SLFN5: variants seen among roughly 807,000 people sequenced by gnomAD.
SLFN5 encodes schlafen family member 5.
A neutral mutation model predicts 48.5 loss-of-function variants in SLFN5; 34 were observed. That is an observed-to-expected ratio of 0.70 (90% CI 0.53 to 0.93). The LOEUF (loss-of-function observed/expected upper bound fraction) is 0.93. SLFN5 is among the 40% of genes least tolerant of loss of function. SLFN5 has a pLI of 0.00. For synonymous variants in SLFN5, 387 were observed against 396.2 expected (o/e 0.98, Z 0.28); for missense variants, 1,006 against 1,071.3 (o/e 0.94, Z 0.85).
rs1366208822 is a variant in SLFN5 at position 35,266,165 on chromosome 17, T to TGC, written c.*278_*279insCG. The stretch of plus-strand genomic sequence containing the variant: ...AGATGTGTGTGTGTGTGTGTGTGTG[T>TGC]GTGTGTGTGTGTGCGCGCGCGCACG... On this transcript the variant is annotated 3_prime_UTR_variant, in exon 5 of 5. Coordinates refer to ENST00000299977, the MANE Select transcript of SLFN5 (RefSeq NM_144975.4). 10 of 279,214 alleles carry TGC rather than the reference T, an allele frequency of 3.6e-5. No individual in the cohort carries two copies. The highest frequency in any genetic ancestry group is 2.3e-4 in the African/African-American group (9 of 39,372). 17.3% of individuals were successfully genotyped at this position (279,214 alleles called of 1,614,324 possible). A position where few individuals can be genotyped will look rare whatever the true frequency, so the allele number is the denominator to read the frequency against.
intron 2 of SLFN5, 52 bp downstream of exon 2, chr17:35,259,754 G>A (rs1904468227): frequency 6.3e-7 from 1 of 1,575,498 alleles, no homozygotes; most frequent in Non-Finnish European, 8.6e-7. Flanking sequence ...AGCAAGGCAG[G>A]GCGGGTCAGA....
At position 35,267,721 on chromosome 17, in the gene SLFN5, A is replaced by C. The variant is rs927313161; in HGVS notation, c.*1833A>C. 3 of 152,286 alleles carry C rather than the reference A, an allele frequency of 2.0e-5. No homozygotes were observed. The highest frequency in any genetic ancestry group is 7.2e-5 in the African/African-American group (3 of 41,450). 9.4% of individuals were successfully genotyped at this position (152,286 alleles called of 1,614,324 possible). A position where few individuals can be genotyped will look rare whatever the true frequency, so the allele number is the denominator to read the frequency against. ...GGTGACAGAACAAGACCCTGTCTCC[A>C]AAAATTAAATAAATAAAACAAAAAA... On this transcript the variant is annotated 3_prime_UTR_variant, in exon 5 of 5. Coordinates refer to ENST00000299977, the MANE Select transcript of SLFN5 (RefSeq NM_144975.4).
chr17:35,255,993 A>G (rs756800578), intron 1 of SLFN5, among the ~76,000 whole-genome samples: 20 of 152,256 alleles, frequency 1.3e-4, no homozygotes, highest in Non-Finnish European at 1.9e-4. Context: ...CTTCATATAA[A>G]TGGAATCATA....
At position 35,271,249 on chromosome 17, in the gene SLFN5, T is replaced by C. The variant is rs1032543235; in HGVS notation, c.*5361T>C. 1 of 152,200 alleles carries C rather than the reference T, an allele frequency of 6.6e-6. No homozygotes were observed. Among genetic ancestry groups the C allele is most frequent in the Non-Finnish European group, 1.5e-5 (1 of 68,038 alleles). 9.4% of individuals were successfully genotyped at this position (152,200 alleles called of 1,614,324 possible). A position where few individuals can be genotyped will look rare whatever the true frequency, so the allele number is the denominator to read the frequency against. On this transcript the variant is annotated 3_prime_UTR_variant, in exon 5 of 5. Coordinates refer to ENST00000299977, the MANE Select transcript of SLFN5 (RefSeq NM_144975.4). ...TATAAGTGATTTTTAAAAAACTTCC[T>C]ACTTGTTCCAAGTCAGAAAAACTAT...
chr17:35,260,670 G>A (rs1246505182), intron 2 of SLFN5, among the ~76,000 whole-genome samples: 1 of 152,084 alleles, frequency 6.6e-6, no homozygotes, highest in Non-Finnish European at 1.5e-5. Context: ...GTGAGATCAT[G>A]CCACTGCACT....
intron 1 of SLFN5, among the ~76,000 whole-genome samples, chr17:35,254,837 C>A (rs572337804): frequency 7.9e-5 from 12 of 152,098 alleles, no homozygotes; most frequent in Non-Finnish European, 1.3e-4. Flanking sequence ...GCTAACATGG[C>A]GAAACCCTGT....
In SLFN5 at chr17:35,267,596, T is replaced by TGGA; in HGVS notation, c.*1710_*1712dup. On this transcript the variant is annotated 3_prime_UTR_variant, in exon 5 of 5. Transcript: ENST00000299977. ...TTAGCTGGGAATGGTGATGCACACC[T>TGGA]GGAGTCCTAGCTACTCAGAAGGCTG... is the stretch of plus-strand genomic sequence containing the variant. 1 of 152,382 alleles carries TGGA rather than the reference T, an allele frequency of 6.6e-6. No individual in the cohort carries two copies. Among genetic ancestry groups the TGGA allele is most frequent in the East Asian group, 1.9e-4 (1 of 5,186 alleles). 9.4% of individuals were successfully genotyped at this position (152,382 alleles called of 1,614,324 possible). A position where few individuals can be genotyped will look rare whatever the true frequency, so the allele number is the denominator to read the frequency against.
In SLFN5 at chr17:35,271,564, A is replaced by G. The variant is rs1284835961; in HGVS notation, c.*5676A>G. The G allele has an allele frequency of 2.6e-5, 4 of 152,226 alleles. No homozygotes were observed. The highest frequency in any genetic ancestry group is 5.9e-5 in the Non-Finnish European group (4 of 68,046). 9.4% of individuals were successfully genotyped at this position (152,226 alleles called of 1,614,324 possible). Reference sequence around the variant, plus strand: ...AGTTCTGCAACAATAAAACTATACAATGAAACTAAAGAGCACAAAAAAGAA... The same window carrying G: ...AGTTCTGCAACAATAAAACTATACAGTGAAACTAAAGAGCACAAAAAAGAA... On this transcript the variant is annotated 3_prime_UTR_variant, in exon 5 of 5. Transcript: ENST00000299977.
chr17:35,259,873 C>T, intron 2 of SLFN5, 171 bp downstream of exon 2: 2 of 762,364 alleles, frequency 2.6e-6, no homozygotes, highest in Non-Finnish European at 2.0e-6. Context: ...TGGATTATTG[C>T]CCTTCCTTTC....
At position 35,262,546 on chromosome 17, in the gene SLFN5, A is replaced by G. The variant is rs150439643; in HGVS notation, c.1138+1450A>G. 3.7e-3 allele frequency among the ~76,000 whole-genome samples: 557 copies of G among 152,254 alleles called. 8 individuals carry two copies. Among genetic ancestry groups the G allele is most frequent in the African/African-American group, 0.013 (541 of 41,554 alleles). ...GGCATTTCTCTTCTGGAAGAAGCTT[A>G]GAATCATTTTATCCTATCAAAAAGA... On this transcript the variant is annotated intron_variant, in intron 3 of 4. Transcript: ENST00000299977.
intron 1 of SLFN5, among the ~76,000 whole-genome samples, chr17:35,247,894 A>G (rs2092434276): frequency 1.3e-5 from 2 of 152,144 alleles, no homozygotes; most frequent in South Asian, 2.1e-4. Flanking sequence ...TTCTCCTTCC[A>G]TCTTGCGTTT....
In SLFN5 at chr17:35,266,023, A is replaced by G. The variant is rs964060304; in HGVS notation, c.*135A>G. On this transcript the variant is annotated 3_prime_UTR_variant, in exon 5 of 5. Coordinates refer to ENST00000299977, the MANE Select transcript of SLFN5 (RefSeq NM_144975.4). ...TTCTAGGTGCTGGGGATTGAGAACG[A>G]ATCGATGTAAGATTCCTCCTTTAGG... The G allele has an allele frequency of 4.6e-5, 43 of 928,006 alleles. No homozygotes were observed. Among genetic ancestry groups the G allele is most frequent in the Non-Finnish European group, 6.2e-5 (40 of 640,064 alleles). The allele number at this position is 928,006 out of a possible 1,614,324, so 57.5% of individuals were successfully genotyped here. A position where few individuals can be genotyped will look rare whatever the true frequency, so the allele number is the denominator to read the frequency against.
intron 1 of SLFN5, among the ~76,000 whole-genome samples, chr17:35,250,957 G>C (rs1162400203): frequency 2.0e-5 from 3 of 152,208 alleles, no homozygotes; most frequent in Non-Finnish European, 4.4e-5. Flanking sequence ...AATGACAGAT[G>C]AGAGGATTTC....
intron 1 of SLFN5, among the ~76,000 whole-genome samples, chr17:35,257,529 G>T (rs1880834981): frequency 4.0e-5 from 6 of 148,446 alleles, no homozygotes; most frequent in Admixed American, 6.9e-5. Context: ...CAGATCCTTT[G>T]TTCCCGCTGG....
At chr17:35,257,549 AT>A (rs11427892) in intron 1 of SLFN5, among the ~76,000 whole-genome samples, 72 of 147,348 alleles carry the variant, frequency 4.9e-4, no homozygotes, top group Admixed American at 5.4e-4. Context: ...GAGTAAAGCA[AT>A]TTTTTTTTTT....
rs373339976 is a variant in SLFN5, at chr17:35,259,394, C to T, written c.704C>T (p.Thr235Ile). The T allele has an allele frequency of 3.1e-5, 50 of 1,614,148 alleles. No homozygotes were observed. In the African/African-American group the frequency reaches 6.5e-4, roughly 21 times the overall value. The part of the protein sequence containing the change: ...GYVFFGVHDE[T>I]CQVIGCEKEK... The stretch of plus-strand genomic sequence containing the variant: ...GTATTTTTTGGTGTGCATGATGAGA[C>T]TTGTCAAGTGATTGGATGTGAAAAA... The change falls in exon 2 of 5, where the codon ACT becomes ATT. Residue 235 changes from threonine to isoleucine, a missense_variant. Thr to Ile is a moderately conservative substitution (Grantham distance 89). Coordinates refer to ENST00000299977, the MANE Select transcript of SLFN5 (RefSeq NM_144975.4).
At position 35,243,109 on chromosome 17, in the gene SLFN5, C is replaced by T. The variant is rs1182524186; in HGVS notation, c.-75C>T. ...CTTGGGAGGCTCCGTTGCCTGCTCC[C>T]GGAGGGAGACGCGCTGCCGAGGAGA... On this transcript the variant is annotated 5_prime_UTR_variant, in exon 1 of 5. Coordinates refer to ENST00000299977, the MANE Select transcript of SLFN5 (RefSeq NM_144975.4). 6.6e-6 allele frequency: 1 copy of T among 152,310 alleles called. No individual in the cohort carries two copies. Among genetic ancestry groups the T allele is most frequent in the Non-Finnish European group, 1.5e-5 (1 of 68,134 alleles). The allele number at this position is 152,310 out of a possible 1,614,324, so 9.4% of individuals were successfully genotyped here.
rs901676068 is a variant in SLFN5, at chr17:35,269,507, T to C, written c.*3619T>C. On this transcript the variant is annotated 3_prime_UTR_variant, in exon 5 of 5. Coordinates refer to ENST00000299977, the MANE Select transcript of SLFN5 (RefSeq NM_144975.4). ...ATTTTAAAAAAACAAACAAAAATAA[T>C]TTATTGGAATCATTAGGGAGGACCT... 1.3e-5 allele frequency: 2 copies of C among 152,030 alleles called. No homozygotes were observed. The highest frequency in any genetic ancestry group is 2.9e-5 in the Non-Finnish European group (2 of 68,016). 9.4% of individuals were successfully genotyped at this position (152,030 alleles called of 1,614,324 possible). A position where few individuals can be genotyped will look rare whatever the true frequency, so the allele number is the denominator to read the frequency against.
At position 35,268,124 on chromosome 17, in the gene SLFN5, C is replaced by T. The variant is rs889682461; in HGVS notation, c.*2236C>T. ...GGTTAACAGCGAGGGCCTCATCTCA[C>T]ACCAGATCATATCAGGCTACACAAA... On this transcript the variant is annotated 3_prime_UTR_variant, in exon 5 of 5. Transcript: ENST00000299977. The T allele has an allele frequency of 6.6e-6, 1 of 152,232 alleles. No individual in the cohort carries two copies. Among genetic ancestry groups the T allele is most frequent in the Non-Finnish European group, 1.5e-5 (1 of 68,090 alleles). The allele number at this position is 152,232 out of a possible 1,614,324, so 9.4% of individuals were successfully genotyped here.
Sources: allele counts gnomAD v4.1 joint callset (sites outside exome capture counted in the v4.1 genomes callset), GRCh38; gene constraint gnomAD v4.1.1; transcripts MANE v1.5; gene names NCBI Gene and HGNC (gene_info 2026-07-23, HGNC 2026-07-21).